HDX: variants seen among roughly 807,000 people sequenced by gnomAD.
The protein encoded by HDX is chromosome X open reading frame 43.
Under a neutral mutation model 45.2 loss-of-function variants are expected in HDX, and 19 were observed. That is an observed-to-expected ratio of 0.42 (90% CI 0.29 to 0.62). HDX has a LOEUF of 0.62. Among genes scored for constraint, HDX ranks in the 20% least tolerant of loss-of-function variants. HDX has a pLI of 0.20. For synonymous variants in HDX, 188 were observed against 172.8 expected (o/e 1.09, Z -0.69); for missense variants, 532 against 493.9 (o/e 1.08, Z -0.73).
chrX:84,368,564 G>C (rs1367342409), intron 5 of HDX, among the ~76,000 whole-genome samples: 1 of 111,860 alleles, frequency 8.9e-6, no homozygotes, highest in Non-Finnish European at 1.9e-5. Context: ...TAATTTGACT[G>C]ATGTATTTTT....
At chrX:84,416,717 G>A (rs746290794) in intron 5 of HDX, among the ~76,000 whole-genome samples, 1 of 111,371 alleles carries the variant, frequency 9.0e-6, no homozygotes, top group Non-Finnish European at 1.9e-5. Flanking sequence ...CAATTAAAAA[G>A]TAAAAAGCTG....
At chrX:84,465,095 A>G (rs1278783664) in intron 4 of HDX, among the ~76,000 whole-genome samples, 2 of 112,692 alleles carry the variant, frequency 1.8e-5, no homozygotes, top group Admixed American at 1.9e-4. Flanking sequence ...TAGTCATTAG[A>G]GAAATGCAAA....
chrX:84,372,399 A>G (rs1407559992), intron 5 of HDX, among the ~76,000 whole-genome samples: 1 of 111,626 alleles, frequency 9.0e-6, no homozygotes, highest in Non-Finnish European at 1.9e-5. Flanking sequence ...ATCAGTGGTA[A>G]ACCTTTCACT....
intron 5 of HDX, among the ~76,000 whole-genome samples, chrX:84,367,029 C>T (rs1282490126): frequency 1.8e-5 from 2 of 111,855 alleles, no homozygotes; most frequent in Non-Finnish European, 1.9e-5. Flanking sequence ...AGCTTCTGCA[C>T]AGCAAAAGAA....
At chrX:84,494,792 A>T (rs1180729747) in intron 1 of HDX, among the ~76,000 whole-genome samples, 1 of 111,798 alleles carries the variant, frequency 8.9e-6, no homozygotes, top group Non-Finnish European at 1.9e-5. Flanking sequence ...TAAAAAATTA[A>T]AAATAGAACT....
chrX:84,357,040 A>G (rs765011276), intron 6 of HDX, among the ~76,000 whole-genome samples: 3 of 111,772 alleles, frequency 2.7e-5, no homozygotes, highest in Admixed American at 9.5e-5. Flanking sequence ...ATAGAACCTG[A>G]ACACTGTTGT....
chrX:84,469,998 G>A (rs1602516724), intron 3 of HDX, among the ~76,000 whole-genome samples: 1 of 111,436 alleles, frequency 9.0e-6, no homozygotes, highest in Non-Finnish European at 1.9e-5. Flanking sequence ...CTAAAGGTAG[G>A]CTATTTAATG....
intron 3 of HDX, among the ~76,000 whole-genome samples, chrX:84,471,970 GCATAA>G (rs1453064190): frequency 9.0e-6 from 1 of 110,887 alleles, no homozygotes; most frequent in East Asian, 2.8e-4. Context: ...CCTGTGGGAA[GCATAA>G]CATATTTGTA....
chrX:84,416,242 T>A (rs1315890638), intron 5 of HDX, among the ~76,000 whole-genome samples: 5 of 111,581 alleles, frequency 4.5e-5, no homozygotes, highest in Admixed American at 2.9e-4. Flanking sequence ...TCTAACATCA[T>A]CTTATCGAGA....
rs1271440832 is a variant in HDX at position 84,468,967 on chromosome X, G to T, written c.756C>A (p.Asp252Glu). 4.1e-6 allele frequency: 5 copies of T among 1,211,667 alleles called. No individual in the cohort carries two copies. Among genetic ancestry groups the T allele is most frequent in the East Asian group, 3.0e-5 (1 of 33,819 alleles). The stretch of plus-strand genomic sequence containing the variant: ...CCAAGTTTTGTGTTCTACAGTAAGG[G>T]TCTCTAATAGTTGGCTTTTGCCCAC... ...NLCGQKPTIR[D>E]PYCRTQNLEI... The change falls in exon 4 of 11, where the codon GAC becomes GAA. Residue 252 changes from aspartate to glutamate, a missense_variant. This residue lies in a region of HDX where 376 missense variants were observed against 343.7 expected (regional missense o/e 1.09). Coordinates refer to ENST00000373177, the MANE Select transcript of HDX (RefSeq NM_001177479.2).
At chrX:84,399,289 G>GA (rs2038642142) in intron 5 of HDX, among the ~76,000 whole-genome samples, 1 of 108,595 alleles carries the variant, frequency 9.2e-6, no homozygotes, top group African/African-American at 3.4e-5. Context: ...GCTGTTTTTT[G>GA]AAAAAATTAA....
chrX:84,433,182 G>A (rs906076898), intron 5 of HDX, among the ~76,000 whole-genome samples: 3 of 110,975 alleles, frequency 2.7e-5, no homozygotes, highest in East Asian at 5.7e-4. Context: ...GATACAATCC[G>A]ATTTATTTTT....
intron 4 of HDX, among the ~76,000 whole-genome samples, chrX:84,459,963 A>T (rs1277470780): frequency 9.0e-6 from 1 of 111,591 alleles, no homozygotes; most frequent in Non-Finnish European, 1.9e-5. Flanking sequence ...TTCTAGATAC[A>T]TACAACCTAC....
intron 4 of HDX, among the ~76,000 whole-genome samples, chrX:84,461,820 G>GA (rs201314185): frequency 8.9e-6 from 1 of 111,793 alleles, no homozygotes; most frequent in African/African-American, 3.2e-5. Context: ...AACTCTATAA[G>GA]AAAAAAATCT....
At chrX:84,478,253 A>C (rs906430285) in intron 2 of HDX, among the ~76,000 whole-genome samples, 1 of 112,015 alleles carries the variant, frequency 8.9e-6, no homozygotes, top group African/African-American at 3.2e-5. Flanking sequence ...TATTTTAATG[A>C]AGACTCTGAG....
At chrX:84,471,334 A>AT (rs1189327561) in intron 3 of HDX, among the ~76,000 whole-genome samples, 3 of 109,024 alleles carry the variant, frequency 2.8e-5, no homozygotes, top group African/African-American at 9.9e-5. Context: ...AAAGAAAAAA[A>AT]TAAAAAAACT....
chrX:84,453,443 T>C (rs963138968), intron 4 of HDX, among the ~76,000 whole-genome samples: 2 of 111,523 alleles, frequency 1.8e-5, no homozygotes, highest in Non-Finnish European at 3.8e-5. Flanking sequence ...TGTGGGACTT[T>C]GCATTGAAAA....
At chrX:84,442,708 A>G (rs1448985353) in intron 4 of HDX, among the ~76,000 whole-genome samples, 1 of 111,204 alleles carries the variant, frequency 9.0e-6, no homozygotes, top group Non-Finnish European at 1.9e-5. Flanking sequence ...TAAATAATAT[A>G]ATATAATCTA....
chrX:84,399,115 G>A (rs187883918), intron 5 of HDX, among the ~76,000 whole-genome samples: 210 of 110,926 alleles, frequency 1.9e-3, no homozygotes, highest in African/African-American at 6.5e-3. Context: ...TCAGAAAGCT[G>A]GAAACATCTC....
Sources: allele counts gnomAD v4.1 joint callset (sites outside exome capture counted in the v4.1 genomes callset), GRCh38; gene constraint gnomAD v4.1.1; regional missense constraint gnomAD v4.1.1; transcripts MANE v1.5; gene names NCBI Gene and HGNC (gene_info 2026-07-23, HGNC 2026-07-21).